CCDC178: variants seen among roughly 807,000 people sequenced by gnomAD.
The protein encoded by CCDC178 is coiled-coil domain-containing protein 178.
In CCDC178, 126 loss-of-function variants were observed where a neutral mutation model predicts 117.4. That is an observed-to-expected ratio of 1.07 (90% CI 0.93 to 1.24). The LOEUF (loss-of-function observed/expected upper bound fraction) is 1.24, where lower values mean the gene tolerates loss of function less well. CCDC178 is among the 50% of genes most tolerant of loss of function. The pLI, the probability that CCDC178 is intolerant of heterozygous loss-of-function variation, is 0.00. For synonymous variants in CCDC178, 283 were observed against 313.4 expected (o/e 0.90, Z 1.02); for missense variants, 1,030 against 986.9 (o/e 1.04, Z -0.59).
At chr18:33,112,255 A>ACAGCC (rs2057793780) in intron 20 of CCDC178, among the ~76,000 whole-genome samples, 1 of 151,894 alleles carries the variant, frequency 6.6e-6, no homozygotes. Flanking sequence ...TAGTACAACC[A>ACAGCC]CAGCCTCAGT....
chr18:33,048,296 C>T (rs1468996932), intron 21 of CCDC178, among the ~76,000 whole-genome samples: 4 of 152,182 alleles, frequency 2.6e-5, no homozygotes, highest in Non-Finnish European at 5.9e-5. Context: ...TACATTATTA[C>T]AGCAGCCCTT....
intron 20 of CCDC178, among the ~76,000 whole-genome samples, chr18:33,177,500 T>C (rs530308714): frequency 1.3e-5 from 2 of 152,232 alleles, no homozygotes; most frequent in Admixed American, 1.3e-4. Context: ...CCTTGGGGAG[T>C]TGGCTTTGTG....
At chr18:33,135,331 C>A (rs903931357) in intron 20 of CCDC178, among the ~76,000 whole-genome samples, 2 of 151,870 alleles carry the variant, frequency 1.3e-5, no homozygotes, top group African/African-American at 4.8e-5. Flanking sequence ...TTAGTAAGAT[C>A]ATTTAGATGG....
chr18:33,153,153 T>C (rs2058359116), intron 20 of CCDC178, among the ~76,000 whole-genome samples: 1 of 147,980 alleles, frequency 6.8e-6, no homozygotes, highest in Admixed American at 6.8e-5. Context: ...TATATATATA[T>C]ATAACATATA....
intron 20 of CCDC178, among the ~76,000 whole-genome samples, chr18:33,167,174 C>G (rs1337218413): frequency 6.6e-6 from 1 of 152,128 alleles, no homozygotes; most frequent in Non-Finnish European, 1.5e-5. Flanking sequence ...TTTATCCAGT[C>G]TGCCACTGAT....
chr18:33,115,534 C>T (rs189816717), intron 20 of CCDC178, among the ~76,000 whole-genome samples: 35 of 151,986 alleles, frequency 2.3e-4, no homozygotes, highest in African/African-American at 8.2e-4. Flanking sequence ...TCAGCCATAG[C>T]GTCTACAGTC....
intron 21 of CCDC178, among the ~76,000 whole-genome samples, chr18:33,091,324 C>G (rs372551259): frequency 2.3e-5 from 1 of 43,882 alleles, no homozygotes; most frequent in Non-Finnish European, 4.1e-5. Context: ...TTATTTCATT[C>G]TTTTTTTTTT....
At chr18:33,403,473 A>C (rs1223755221) in intron 3 of CCDC178, among the ~76,000 whole-genome samples, 9 of 151,684 alleles carry the variant, frequency 5.9e-5, no homozygotes, top group Non-Finnish European at 1.2e-4. Flanking sequence ...AGTTTTCAAC[A>C]AAAATGTATG....
chr18:33,046,214 G>A (rs1448844366), intron 21 of CCDC178, among the ~76,000 whole-genome samples: 2 of 152,146 alleles, frequency 1.3e-5, no homozygotes, highest in Non-Finnish European at 2.9e-5. Context: ...TGAGTGACCT[G>A]TTTTTATATT....
At chr18:33,299,031 G>A (rs1192654226) in intron 11 of CCDC178, among the ~76,000 whole-genome samples, 1 of 152,096 alleles carries the variant, frequency 6.6e-6, no homozygotes, top group Non-Finnish European at 1.5e-5. Flanking sequence ...TTGTCAAAAT[G>A]ACCATACTAC....
At chr18:33,093,167 A>G (rs1439866026) in intron 20 of CCDC178, among the ~76,000 whole-genome samples, 1 of 151,800 alleles carries the variant, frequency 6.6e-6, no homozygotes, top group South Asian at 2.1e-4. Flanking sequence ...CTGACTTTTA[A>G]TTCACCTCTT....
intron 20 of CCDC178, among the ~76,000 whole-genome samples, chr18:33,166,733 G>A (rs979000881): frequency 1.3e-5 from 2 of 152,086 alleles, no homozygotes; most frequent in Non-Finnish European, 2.9e-5. Flanking sequence ...TCCACACTAC[G>A]CTGGCCTGTA....
intron 21 of CCDC178, among the ~76,000 whole-genome samples, chr18:33,028,936 A>C (rs1401786752): frequency 6.6e-6 from 1 of 151,832 alleles, no homozygotes; most frequent in Non-Finnish European, 1.5e-5. Flanking sequence ...TATATTATTA[A>C]GGATTTTTGT....
At chr18:33,004,495 T>C (rs2055709442) in intron 21 of CCDC178, among the ~76,000 whole-genome samples, 2 of 152,098 alleles carry the variant, frequency 1.3e-5, no homozygotes. Flanking sequence ...CAGAATGGAT[T>C]AAAGACTGAA....
At chr18:33,003,165 A>G (rs951791350) in intron 21 of CCDC178, among the ~76,000 whole-genome samples, 3 of 152,166 alleles carry the variant, frequency 2.0e-5, no homozygotes, top group Non-Finnish European at 4.4e-5. Flanking sequence ...AAACACTTTC[A>G]AACTCATTCT....
intron 2 of CCDC178, among the ~76,000 whole-genome samples, chr18:33,422,263 CT>C (rs912555188): frequency 2.6e-5 from 4 of 152,194 alleles, no homozygotes; most frequent in South Asian, 2.1e-4. Flanking sequence ...AATAGAAATG[CT>C]TTTTTTCCCC....
At chr18:33,425,602 T>G (rs1458136315) in intron 2 of CCDC178, among the ~76,000 whole-genome samples, 1 of 152,202 alleles carries the variant, frequency 6.6e-6, no homozygotes, top group Non-Finnish European at 1.5e-5. Flanking sequence ...GGATTTTAAT[T>G]AGCCTTACTT....
intron 21 of CCDC178, among the ~76,000 whole-genome samples, chr18:33,070,371 A>G (rs540497560): frequency 6.6e-6 from 1 of 152,118 alleles, no homozygotes; most frequent in Non-Finnish European, 1.5e-5. Context: ...TTTCAGCCAC[A>G]TGAATGAAAC....
chr18:33,142,908 A>C (rs898225535), intron 20 of CCDC178, among the ~76,000 whole-genome samples: 1 of 152,172 alleles, frequency 6.6e-6, no homozygotes, highest in African/African-American at 2.4e-5. Context: ...TGGGAGTGTT[A>C]GAGGGAGTTA....
Sources: gnomAD v4.1 joint callset for allele counts (sites outside exome capture counted in the v4.1 genomes callset) on GRCh38, gnomAD v4.1.1 for gene constraint, MANE v1.5 for transcripts, NCBI Gene and HGNC (gene_info 2026-07-23, HGNC 2026-07-21) for gene names.